The following TJP1 variants were observed in gnomAD, a reference collection of about 807,000 sequenced individuals.
TJP1 encodes the protein tight junction protein 1.
Under a neutral mutation model 194.2 loss-of-function variants are expected in TJP1, and 43 were observed. The ratio of observed to expected loss-of-function variants is 0.22; its 90% CI spans 0.17 to 0.29. The LOEUF (loss-of-function observed/expected upper bound fraction) is 0.29. TJP1 is among the 10% of genes least tolerant of loss of function. The probability of loss-of-function intolerance (pLI) is 1.00; values close to 1 mark genes in which losing one functional copy is unlikely to be tolerated. For synonymous variants in TJP1, 801 were observed against 779.0 expected (o/e 1.03, Z -0.47); for missense variants, 1,971 against 2,185.7 (o/e 0.90, Z 1.96).
intron 5 of TJP1, among the ~76,000 whole-genome samples, chr15:29,763,593 C>T (rs1311667787): frequency 6.6e-6 from 1 of 151,830 alleles, no homozygotes; most frequent in Non-Finnish European, 1.5e-5. Flanking sequence ...CATGGTAAAA[C>T]CGTCTCTATT....
At chr15:29,781,960 G>T (rs893121917) in intron 2 of TJP1, among the ~76,000 whole-genome samples, 2 of 152,162 alleles carry the variant, frequency 1.3e-5, no homozygotes, top group Admixed American at 1.3e-4. Flanking sequence ...AGTACTGGAA[G>T]TCCTGGCCAG....
intron 8 of TJP1, among the ~76,000 whole-genome samples, chr15:29,756,112 G>C (rs1048647269): frequency 6.6e-6 from 1 of 151,918 alleles, no homozygotes; most frequent in African/African-American, 2.4e-5. Flanking sequence ...CTTATGCAGG[G>C]ACTACAGGAA....
At chr15:29,959,977 T>G (rs1419343597) in intron 1 of TJP1, among the ~76,000 whole-genome samples, 2 of 152,092 alleles carry the variant, frequency 1.3e-5, no homozygotes, top group East Asian at 3.8e-4. Context: ...GAAAGAAAAA[T>G]AGAGTTATAA....
chr15:29,744,759 G>A lies in TJP1; in HGVS notation c.1011-1978C>T, dbSNP rs2044653397. ...AGAGAACAGTATCATAAAACCCCAT[G>A]TACTCATCGTCGACAATTATCAATA... On this transcript the variant is annotated intron_variant, in intron 8 of 27. Coordinates refer to ENST00000614355, the MANE Select transcript of TJP1 (RefSeq NM_001330239.4). Among the ~76,000 whole-genome samples the A allele has an allele frequency of 3.3e-5, 5 of 151,994 alleles. No homozygotes were observed. The South Asian group carries it at 1.0e-3, about 32-fold the overall frequency.
chr15:29,718,773 G>C lies in TJP1; in HGVS notation c.3369C>G (p.Ser1123=), dbSNP rs887817033. The change falls in exon 21 of 28, where the codon TCC becomes TCG. Residue 1123 remains serine (S), a synonymous_variant. Transcript: ENST00000614355. The part of the protein sequence containing the change: ...DLDSRQHPEE[S]SERGYFPRFE... ...AACGTGGAAAGTACCCTCGTTCTGA[G>C]GACTCTTCGGGATGCTGTCTGGAGT... The C allele has an allele frequency of 6.2e-7, 1 of 1,614,186 alleles. No homozygotes were observed. Among genetic ancestry groups the C allele is most frequent in the African/African-American group, 1.3e-5 (1 of 75,048 alleles).
intron 2 of TJP1, among the ~76,000 whole-genome samples, chr15:29,936,816 A>G (rs2152277698): frequency 6.6e-6 from 1 of 152,282 alleles, no homozygotes; most frequent in South Asian, 2.1e-4. Context: ...GGTTCATAAG[A>G]TCCACCTTGG....
chr15:29,810,763 A>G (rs755345953), intron 1 of TJP1, among the ~76,000 whole-genome samples: 34 of 152,204 alleles, frequency 2.2e-4, no homozygotes, highest in Non-Finnish European at 4.0e-4. Context: ...AGAGACAGCT[A>G]TGAGGTGCAT....
chr15:29,862,869 C>T lies in TJP1; in HGVS notation c.307-62167G>A, dbSNP rs1405927323. Among the ~76,000 whole-genome samples, 16 of 151,062 alleles carry T rather than the reference C, an allele frequency of 1.1e-4. No individual in the cohort carries two copies. In the East Asian group the frequency reaches 2.8e-3, roughly 27 times the overall value. ...TTCACCGTGTTAGCCAGGATGGTCGCGATCTCCTGACTTCGTGATCCGCCC... is the reference window on the plus strand; with the variant it reads ...TTCACCGTGTTAGCCAGGATGGTCGTGATCTCCTGACTTCGTGATCCGCCC... On this transcript the variant is annotated intron_variant, in intron 2 of 28. Transcript: ENST00000356107.
chr15:29,817,544 G>A (rs2050011319), intron 1 of TJP1, among the ~76,000 whole-genome samples: 1 of 152,100 alleles, frequency 6.6e-6, no homozygotes. Flanking sequence ...TATGTTTACT[G>A]CAGCACTATT....
chr15:29,720,444 G>C lies in TJP1; in HGVS notation c.2677C>G (p.Gln893Glu). ...EDSSGMHHEN[Q>E]TYPPYSPQAQ... ...TGTGGTGAGTAAGGAGGATATGTTT[G>C]GTTTTCATGATGCATTCCAGAGGAG... The change falls in exon 19 of 28, where the codon CAA becomes GAA. Residue 893 changes from glutamine (Q) to glutamate (E), a missense_variant. Coordinates refer to ENST00000614355, the MANE Select transcript of TJP1 (RefSeq NM_001330239.4). 2.5e-6 allele frequency: 4 copies of C among 1,614,120 alleles called. No individual in the cohort carries two copies. Among genetic ancestry groups the C allele is most frequent in the Non-Finnish European group, 3.4e-6 (4 of 1,180,036 alleles).
intron 8 of TJP1, among the ~76,000 whole-genome samples, chr15:29,745,635 A>C (rs2044721109): frequency 6.6e-6 from 1 of 152,232 alleles, no homozygotes; most frequent in African/African-American, 2.4e-5. Flanking sequence ...GCCATTAAAA[A>C]TTTTGAACAA....
chr15:29,849,742 T>A (rs1344361631), intron 2 of TJP1, among the ~76,000 whole-genome samples: 1 of 135,298 alleles, frequency 7.4e-6, no homozygotes, highest in Non-Finnish European at 1.6e-5. Context: ...GAGGACTCCG[T>A]CTCAAAAAAA....
chr15:29,915,220 T>C (rs995658834), intron 2 of TJP1, among the ~76,000 whole-genome samples: 2 of 152,208 alleles, frequency 1.3e-5, no homozygotes, highest in East Asian at 1.9e-4. Flanking sequence ...GGCAGATCCA[T>C]ATTAAAAGAA....
At chr15:29,721,547 TCA>T (rs1349746487) in intron 18 of TJP1, among the ~76,000 whole-genome samples, 1 of 152,170 alleles carries the variant, frequency 6.6e-6, no homozygotes, top group Non-Finnish European at 1.5e-5. Context: ...TGGTTCTTTA[TCA>T]CAGTGTGAGA....
intron 2 of TJP1, among the ~76,000 whole-genome samples, chr15:29,950,628 G>A (rs1011089131): frequency 9.2e-5 from 14 of 152,176 alleles, no homozygotes; most frequent in African/African-American, 2.9e-4. Flanking sequence ...GAGTGAGAAC[G>A]GGGGAAGGGG....
chr15:29,918,229 A>C (rs2054247039), intron 2 of TJP1, among the ~76,000 whole-genome samples: 1 of 152,230 alleles, frequency 6.6e-6, no homozygotes, highest in East Asian at 1.9e-4. Flanking sequence ...CCATTCATCC[A>C]TCAGTGGGCA....
intron 2 of TJP1, among the ~76,000 whole-genome samples, chr15:29,790,485 TA>T (rs556678144): frequency 1.4e-4 from 21 of 152,342 alleles, no homozygotes; most frequent in African/African-American, 5.1e-4. Flanking sequence ...GTGTAACGAT[TA>T]AATCAGGGTA....
At chr15:29,796,978 C>A (rs2048455631) in intron 2 of TJP1, among the ~76,000 whole-genome samples, 1 of 150,716 alleles carries the variant, frequency 6.6e-6, no homozygotes, top group Non-Finnish European at 1.5e-5. Flanking sequence ...AAAAAAAAAT[C>A]TCTCTGCCCG....
At chr15:29,787,573 T>C (rs1329668179) in intron 2 of TJP1, among the ~76,000 whole-genome samples, 1 of 152,234 alleles carries the variant, frequency 6.6e-6, no homozygotes, top group African/African-American at 2.4e-5. Context: ...CTATTCTGAA[T>C]ACTTCTTATA....
Sources: gnomAD v4.1 joint callset for allele counts (sites outside exome capture counted in the v4.1 genomes callset) on GRCh38, gnomAD v4.1.1 for gene constraint, MANE v1.5 for transcripts, NCBI Gene and HGNC (gene_info 2026-07-23, HGNC 2026-07-21) for gene names.